Variants in CCDC9 observed in about 807,000 individuals in gnomAD.
CCDC9 encodes the protein coiled-coil domain containing 9, also known as coiled-coil domain-containing protein 9.
Under a neutral mutation model 65.6 loss-of-function variants are expected in CCDC9, and 52 were observed. The observed-to-expected ratio is 0.79, with a 90% confidence interval of 0.63 to 1.00. CCDC9 has a LOEUF of 1.00. Ranked by LOEUF, CCDC9 falls within the 50% of genes least tolerant of loss-of-function variation. The pLI is 0.00. For synonymous variants in CCDC9, 332 were observed against 280.3 expected (o/e 1.18, Z -1.84); for missense variants, 834 against 757.2 (o/e 1.10, Z -1.19).
chr19:47,263,948 G>A (rs540034196), intron 5 of CCDC9, among the ~76,000 whole-genome samples: 17 of 151,310 alleles, frequency 1.1e-4, no homozygotes. Context: ...GCACAATCTC[G>A]GCTCACTGCA....
Position 47,270,690 on chromosome 19 carries a change from T to G in CCDC9, c.1085+2T>G. Reference sequence around the variant, plus strand: ...CAAGGCAGCGCCCAGGGCCTACAGGTGGGGCACCCCTTCTGCGGGCTTGCA... The same window carrying G: ...CAAGGCAGCGCCCAGGGCCTACAGGGGGGGCACCCCTTCTGCGGGCTTGCA... On this transcript the variant is annotated splice_donor_variant, in intron 10 of 11. Transcript: ENST00000221922. LOFTEE classifies it high-confidence loss of function. The G allele has an allele frequency of 5.6e-6, 9 of 1,609,482 alleles. No individual in the cohort carries two copies. The highest frequency in any genetic ancestry group is 7.6e-6 in the Non-Finnish European group (9 of 1,179,234).
Position 47,260,068 on chromosome 19 carries a change from C to A in CCDC9, c.109-253C>A, listed in dbSNP as rs181776091. On this transcript the variant is annotated intron_variant, in intron 3 of 11. Coordinates refer to ENST00000221922, the MANE Select transcript of CCDC9 (RefSeq NM_015603.3). The stretch of plus-strand genomic sequence containing the variant: ...GTGGGGAGAGGGTGAGAGATGAGGT[C>A]GGGGAGGTACCAAGGCCAGACCCCA... Among the ~76,000 whole-genome samples, 811 of 152,186 alleles carry A rather than the reference C, an allele frequency of 5.3e-3. 6 individuals are homozygous for A. The highest frequency in any genetic ancestry group is 0.018 in the African/African-American group (758 of 41,504).
chr19:47,264,866 G>C lies in CCDC9; in HGVS notation c.640G>C (p.Glu214Gln). ...GGAGGAGTCTGAGCGGGACCGCCGG[G>C]AGGAGAGCCGCCGGCACGGCCGCAA... ...PLEESERDRREESRRHGRNWG... is the reference protein window; with the variant it reads ...PLEESERDRRQESRRHGRNWG... Residue 214 changes from glutamate to glutamine, a missense_variant, in exon 7 of 12, where the codon GAG (glutamate) becomes CAG (glutamine). By Grantham distance (29) the Glu-to-Gln change is conservative. Coordinates refer to ENST00000221922, the MANE Select transcript of CCDC9 (RefSeq NM_015603.3). 1 of 1,496,478 alleles carries C rather than the reference G, an allele frequency of 6.7e-7. No homozygotes were observed. The highest frequency in any genetic ancestry group is 8.9e-7 in the Non-Finnish European group (1 of 1,125,076). The allele number at this position is 1,496,478 out of a possible 1,614,324, so 92.7% of individuals were successfully genotyped here.
rs1320256785 is a variant in CCDC9, at chr19:47,271,675, A to G, written c.1593A>G (p.Val531=). ...SPGEAWPFES[V] ...GTGAGGCCTGGCCTTTTGAGAGTGTATGAAGCTGGCTGCCTGTGTGTGTGT... is the reference window on the plus strand; with the variant it reads ...GTGAGGCCTGGCCTTTTGAGAGTGTGTGAAGCTGGCTGCCTGTGTGTGTGT... The change falls in exon 12 of 12, where the codon GTA becomes GTG. Residue 531 remains valine, a synonymous_variant. Coordinates refer to ENST00000221922, the MANE Select transcript of CCDC9 (RefSeq NM_015603.3). 1.3e-6 allele frequency: 2 copies of G among 1,516,470 alleles called. No homozygotes were observed. The highest frequency in any genetic ancestry group is 2.5e-5 in the East Asian group (1 of 39,388). The allele number at this position is 1,516,470 out of a possible 1,614,324, so 93.9% of individuals were successfully genotyped here.
intron 1 of CCDC9, chr19:47,258,117 A>T (rs2059022719): frequency 1.9e-6 from 1 of 535,484 alleles, no homozygotes; most frequent in South Asian, 2.1e-5. Flanking sequence ...TTTACATGGG[A>T]ACTGGGTGAG....
At chr19:47,274,807 G>T, downstream of CCDC9, 1 of 738,406 alleles carries the variant, frequency 1.4e-6, no homozygotes, top group East Asian at 5.0e-5. Context: ...GCTGGCGGGG[G>T]CGGGGCCGGA....
chr19:47,274,067 T>C (rs116734888), downstream of CCDC9: 3,865 of 778,304 alleles, frequency 5.0e-3, 159 homozygotes, highest in African/African-American at 0.067. Context: ...TTCCAGGCTG[T>C]GTTCTTTCTA....
Position 47,260,800 on chromosome 19 carries a change from T to A in CCDC9, c.423T>A (p.Ser141=), listed in dbSNP as rs769206591. The change falls in exon 5 of 12, where the codon TCT becomes TCA. Residue 141 remains serine, a synonymous_variant. Coordinates refer to ENST00000221922, the MANE Select transcript of CCDC9 (RefSeq NM_015603.3). ...GGGGCCGAGGTTCACCTCACCTCTC[T>A]GGAGCTGGAGACACCTCAATCTCTG... is the stretch of plus-strand genomic sequence containing the variant. ...RGRGRGSPHL[S]GAGDTSISDR... is the part of the protein sequence containing the mutation. 1 of 1,613,388 alleles carries A rather than the reference T, an allele frequency of 6.2e-7. No individual in the cohort carries two copies. The highest frequency in any genetic ancestry group is 1.1e-5 in the South Asian group (1 of 91,058).
chr19:47,271,967 G>A (rs971530546), downstream of CCDC9: 20 of 1,273,956 alleles, frequency 1.6e-5, no homozygotes, highest in African/African-American at 4.6e-5. Flanking sequence ...CATTCCCCCA[G>A]GTGTGTCCTT....
At chr19:47,261,030 C>CTT (rs1287962802) in intron 5 of CCDC9, among the ~76,000 whole-genome samples, 191 bp downstream of exon 5, 1 of 151,832 alleles carries the variant, frequency 6.6e-6, no homozygotes, top group African/African-American at 2.4e-5. Flanking sequence ...CTTCTAGTTC[C>CTT]CCCTGTTCCT....
chr19:47,257,947 G>C, intron 1 of CCDC9: 1 of 188,578 alleles, frequency 5.3e-6, no homozygotes, highest in Non-Finnish European at 1.1e-5. Context: ...TGGTTGGAGG[G>C]GTTGTAGTTG....
chr19:47,258,717 T>G, intron 3 of CCDC9, 54 bp downstream of exon 3: 1 of 1,316,766 alleles, frequency 7.6e-7, no homozygotes, highest in South Asian at 1.2e-5. Context: ...CGCAGTGAGT[T>G]TTTCTCACCT....
rs1048213361 is a variant in CCDC9, at chr19:47,267,545, C to A, written c.902+753C>A. ...TTCACTCTGCGCCAGGGTGTTCATT[C>A]TGCTGTCCAGGCTGAGGGCAGCAGC... On this transcript the variant is annotated intron_variant, in intron 8 of 11. Coordinates refer to ENST00000221922, the MANE Select transcript of CCDC9 (RefSeq NM_015603.3). Among the ~76,000 whole-genome samples, 2 of 152,190 alleles carry A rather than the reference C, an allele frequency of 1.3e-5. 1 individual carries two copies. The highest frequency in any genetic ancestry group is 4.1e-4 in the South Asian group (2 of 4,832).
rs1410058699 is a variant in CCDC9 at position 47,266,625 on chromosome 19, C to G, written c.735C>G (p.Gly245=). Residue 245 remains glycine, a synonymous_variant, in exon 8 of 12, where the codon GGC becomes GGG. Transcript: ENST00000221922. ...LEHERQGRRA[G]LGSAGDMTLS... ...CTGGGGGGCAGGGCCGCCGAGCTGG[C>G]CTGGGCAGTGCTGGAGACATGACGT... 1 of 1,561,670 alleles carries G rather than the reference C, an allele frequency of 6.4e-7. No homozygotes were observed. The highest frequency in any genetic ancestry group is 1.9e-5 in the Admixed American group (1 of 52,868).
downstream of CCDC9, chr19:47,272,101 AGT>A: frequency 2.4e-6 from 3 of 1,235,840 alleles, no homozygotes; most frequent in Non-Finnish European, 3.0e-6. Context: ...CTTCCCGGAG[AGT>A]GGGCCCAGCC....
chr19:47,271,661 C>A lies in CCDC9; in HGVS notation c.1579C>A (p.Pro527Thr). 1 of 1,589,732 alleles carries A rather than the reference C, an allele frequency of 6.3e-7. No individual in the cohort carries two copies. Among genetic ancestry groups the A allele is most frequent in the Non-Finnish European group, 8.6e-7 (1 of 1,168,182 alleles). The change falls in exon 12 of 12, where the codon CCT becomes ACT. Residue 527 changes from proline (P) to threonine (T), a missense_variant. Pro to Thr is a conservative substitution (Grantham distance 38). Transcript: ENST00000221922. ...CGCCCTCTCCCCGGGTGAGGCCTGGCCTTTTGAGAGTGTATGAAGCTGGCT... is the reference window on the plus strand; with the variant it reads ...CGCCCTCTCCCCGGGTGAGGCCTGGACTTTTGAGAGTGTATGAAGCTGGCT... Reference protein sequence around the residue: ...AGALSPGEAWPFESV With the variant: ...AGALSPGEAWTFESV
At chr19:47,275,163 G>T (rs896740893), downstream of CCDC9, 2 of 1,476,648 alleles carry the variant, frequency 1.4e-6, no homozygotes, top group Non-Finnish European at 1.8e-6. Flanking sequence ...CCGCCCGGGC[G>T]TGCCGCCTGT....
At chr19:47,273,494 C>A, downstream of CCDC9, 1 of 659,506 alleles carries the variant, frequency 1.5e-6, no homozygotes, top group Non-Finnish European at 2.2e-6. Flanking sequence ...CCGCGCTCTG[C>A]ACTAACCTCC....
downstream of CCDC9, chr19:47,275,548 G>A: frequency 2.9e-6 from 2 of 681,748 alleles, no homozygotes; most frequent in South Asian, 2.1e-5. Context: ...TGGTCAGGCC[G>A]GGTCCTCCAC....
Sources: gnomAD v4.1 joint callset for allele counts (sites outside exome capture counted in the v4.1 genomes callset) on GRCh38, gnomAD v4.1.1 for gene constraint, MANE v1.5 for transcripts, NCBI Gene and HGNC (gene_info 2026-07-23, HGNC 2026-07-21) for gene names.